Variants in USO1 observed in about 807,000 individuals in gnomAD.
USO1 encodes the protein general vesicular transport factor p115.
USO1 carries 57 observed loss-of-function variants against 124.5 expected under a neutral mutation model. The ratio of observed to expected loss-of-function variants is 0.46; its 90% confidence interval spans 0.37 to 0.57. The LOEUF (loss-of-function observed/expected upper bound fraction) is 0.57. Ranked by LOEUF, USO1 falls within the 20% of genes least tolerant of loss-of-function variation. The pLI, the probability that USO1 is intolerant of heterozygous loss-of-function variation, is 0.00. For synonymous variants in USO1, 369 were observed against 362.8 expected (o/e 1.02, Z -0.19); for missense variants, 900 against 1,040.6 (o/e 0.86, Z 1.86).
chr4:75,813,119 A>G, intron 23 of USO1, 87 bp from the exon 24 acceptor site: 3 of 1,375,818 alleles, frequency 2.2e-6, no homozygotes, highest in Non-Finnish European at 2.8e-6. Context: ...CTCAGAAAAA[A>G]AAAAAATTAT....
chr4:75,790,098 C>A, intron 10 of USO1, 52 bp from the exon 11 acceptor site: 1 of 1,445,388 alleles, frequency 6.9e-7, no homozygotes, highest in Non-Finnish European at 9.1e-7. Context: ...AACATATTTT[C>A]CTTCTTGACT....
At position 75,800,452 on chromosome 4, in the gene USO1, A is replaced by T. The variant is rs1464880421; in HGVS notation, c.1665A>T (p.Ser555=). 4 of 1,591,890 alleles carry T rather than the reference A, an allele frequency of 2.5e-6. No homozygotes were observed. The highest frequency in any genetic ancestry group is 8.6e-7 in the Non-Finnish European group (1 of 1,168,634). The stretch of plus-strand genomic sequence containing the variant: ...TTTCGATTTATTTCAATGATAACTC[A>T]CTTGAGAGCTACATGAAGTAAGTAA... ...LGISIYFNDN[S]LESYMKEKLK... The change falls in exon 15 of 24, where the codon TCA becomes TCT. Residue 555 remains serine (S), a synonymous_variant. Transcript: ENST00000514213.
intron 4 of USO1, among the ~76,000 whole-genome samples, chr4:75,769,610 G>T (rs1721864830): frequency 6.6e-6 from 1 of 152,138 alleles, no homozygotes; most frequent in Admixed American, 6.5e-5. Context: ...CCAATGCTGT[G>T]ATTAATTAGC....
chr4:75,773,777 C>T (rs1721998698), intron 7 of USO1, among the ~76,000 whole-genome samples: 1 of 152,138 alleles, frequency 6.6e-6, no homozygotes. Flanking sequence ...GTGGAATAAG[C>T]CCAATAAAGT....
intron 20 of USO1, among the ~76,000 whole-genome samples, chr4:75,807,665 G>T (rs567958699): frequency 6.7e-6 from 1 of 149,720 alleles, no homozygotes; most frequent in East Asian, 1.9e-4. Flanking sequence ...AGATTAATAT[G>T]CTCTTTTGGT....
chr4:75,750,862 T>C (rs1577936253), intron 1 of USO1, among the ~76,000 whole-genome samples: 1 of 152,230 alleles, frequency 6.6e-6, no homozygotes, highest in Admixed American at 6.5e-5. Context: ...GTATGCTTTC[T>C]TCTAGAAGTT....
At chr4:75,735,820 T>G (rs1292021465) in intron 1 of USO1, among the ~76,000 whole-genome samples, 1 of 152,188 alleles carries the variant, frequency 6.6e-6, no homozygotes, top group East Asian at 1.9e-4. Context: ...TAGTTTTTCA[T>G]TTTCACATTC....
intron 4 of USO1, among the ~76,000 whole-genome samples, chr4:75,759,885 T>C (rs1210893132): frequency 6.8e-6 from 1 of 147,110 alleles, no homozygotes; most frequent in Non-Finnish European, 1.5e-5. Flanking sequence ...CTCTCCAGCC[T>C]GGGCAACAGA....
At chr4:75,763,134 T>A (rs1182774415) in intron 4 of USO1, among the ~76,000 whole-genome samples, 1 of 152,208 alleles carries the variant, frequency 6.6e-6, no homozygotes, top group African/African-American at 2.4e-5. Flanking sequence ...TTTTTAAATA[T>A]TGTTTACACC....
Position 75,812,343 on chromosome 4 carries a change from T to C in USO1, c.2767T>C (p.Leu923=), listed in dbSNP as rs1339252611. The C allele has an allele frequency of 1.3e-6, 2 of 1,598,996 alleles. No individual in the cohort carries two copies. The highest frequency in any genetic ancestry group is 1.7e-4 in the Middle Eastern group (1 of 5,964). The part of the protein sequence containing the change: ...LADQDQKILS[L]KNKLKDLGHP... The stretch of plus-strand genomic sequence containing the variant: ...CGATCAAGATCAGAAAATACTGTCA[T>C]TGAAGAATAAACTCAAGGATCTTGG... Residue 923 remains leucine (L), a synonymous_variant, in exon 23 of 24, where the codon TTG becomes CTG. Transcript: ENST00000514213.
intron 4 of USO1, chr4:75,767,661 G>A (rs1427364916): frequency 1.4e-5 from 4 of 276,200 alleles, no homozygotes; most frequent in African/African-American, 9.3e-5. Context: ...AGCGGATCAC[G>A]AGGTCAGGAG....
chr4:75,765,637 C>CTTTTT (rs11385399), intron 4 of USO1, among the ~76,000 whole-genome samples: 1 of 144,882 alleles, frequency 6.9e-6, no homozygotes. Context: ...GGTACCAGTT[C>CTTTTT]TTTTTTTTTT....
intron 8 of USO1, among the ~76,000 whole-genome samples, chr4:75,781,571 A>G (rs748369926): frequency 2.3e-4 from 35 of 152,204 alleles, no homozygotes; most frequent in Non-Finnish European, 4.7e-4. Flanking sequence ...CACTTAATAA[A>G]TTACATTATA....
intron 12 of USO1, among the ~76,000 whole-genome samples, chr4:75,792,143 C>A (rs192408222): frequency 1.3e-5 from 2 of 151,434 alleles, no homozygotes; most frequent in East Asian, 3.9e-4. Context: ...CTTACACCTG[C>A]AATTCCAGCA....
intron 1 of USO1, among the ~76,000 whole-genome samples, chr4:75,732,118 A>G (rs1331174589): frequency 6.6e-6 from 1 of 152,092 alleles, no homozygotes; most frequent in South Asian, 2.1e-4. Context: ...GGTAGTGAGG[A>G]TGGTACCTGA....
chr4:75,765,908 C>T (rs1721757702), intron 4 of USO1, among the ~76,000 whole-genome samples: 1 of 152,150 alleles, frequency 6.6e-6, no homozygotes, highest in African/African-American at 2.4e-5. Context: ...TTAATACCCT[C>T]AGTATATCTG....
At chr4:75,805,882 C>T (rs908499619) in intron 19 of USO1, among the ~76,000 whole-genome samples, 3 of 152,102 alleles carry the variant, frequency 2.0e-5, no homozygotes, top group Admixed American at 1.3e-4. Flanking sequence ...ATTTAATTTA[C>T]TCTTCTAATA....
At chr4:75,768,943 C>T (rs1389144150) in intron 4 of USO1, among the ~76,000 whole-genome samples, 1 of 152,102 alleles carries the variant, frequency 6.6e-6, no homozygotes, top group Non-Finnish European at 1.5e-5. Flanking sequence ...TTAATATGTC[C>T]AAAACTAAAC....
At position 75,724,597 on chromosome 4, in the gene USO1, G is replaced by T; in HGVS notation, c.-223G>T. 1 of 560,474 alleles carries T rather than the reference G, an allele frequency of 1.8e-6. No homozygotes were observed. The highest frequency in any genetic ancestry group is 3.2e-6 in the Non-Finnish European group (1 of 314,252). The allele number at this position is 560,474 out of a possible 1,614,324, so 34.7% of individuals were successfully genotyped here. The stretch of plus-strand genomic sequence containing the variant: ...CGCTCCCCTTTTGCCTTCAACCTTC[G>T]AGCCGCCACGTAATGCCACGTCCCC... On this transcript the variant is annotated 5_prime_UTR_variant, in exon 1 of 24. Transcript: ENST00000514213.
Sources: allele counts gnomAD v4.1 joint callset (sites outside exome capture counted in the v4.1 genomes callset), GRCh38; gene constraint gnomAD v4.1.1; transcripts MANE v1.5; gene names NCBI Gene and HGNC (gene_info 2026-07-23, HGNC 2026-07-21).